SMC4: variants seen among roughly 807,000 people sequenced by gnomAD.
The protein encoded by SMC4 is structural maintenance of chromosomes protein 4.
In SMC4, 87 loss-of-function variants were observed where a neutral mutation model predicts 145.6. The observed-to-expected ratio is 0.60, with a 90% CI of 0.50 to 0.71. The LOEUF is 0.71. Ranked by LOEUF, SMC4 falls within the 30% of genes least tolerant of loss-of-function variation. The pLI is 0.00. For missense variants in SMC4, 1,447 were observed against 1,537.1 expected, an observed-to-expected ratio of 0.94 and a Z score of 0.98; for synonymous variants, 558 against 500.7, an observed-to-expected ratio of 1.11 and a Z score of -1.53.
At chr3:160,409,902 T>A (rs1174815829) in intron 5 of SMC4, among the ~76,000 whole-genome samples, 1 of 151,992 alleles carries the variant, frequency 6.6e-6, no homozygotes, top group Non-Finnish European at 1.5e-5. Flanking sequence ...CCACCATGTG[T>A]ACAAAAAAAA....
chr3:160,426,575 A>G (rs1012138379), intron 17 of SMC4, among the ~76,000 whole-genome samples: 5 of 152,054 alleles, frequency 3.3e-5, no homozygotes, highest in African/African-American at 1.2e-4. Flanking sequence ...TCAAAGAAAA[A>G]CAATGTGTAC....
At chr3:160,404,619 A>G in intron 5 of SMC4, 115 bp downstream of exon 5, 1 of 896,852 alleles carries the variant, frequency 1.1e-6, no homozygotes, top group Non-Finnish European at 1.9e-6. Context: ...GCAGCACATC[A>G]TGGTTTACAT....
At chr3:160,406,816 A>G (rs572899807) in intron 5 of SMC4, among the ~76,000 whole-genome samples, 5 of 152,300 alleles carry the variant, frequency 3.3e-5, no homozygotes, top group South Asian at 2.1e-4. Flanking sequence ...TGGCCATTCA[A>G]TTGAATTCCT....
Position 160,428,940 on chromosome 3 carries a change from CAGGT to C in SMC4, c.2795+1_2795+4del, listed in dbSNP as rs1718080517. 1 of 1,582,832 alleles carries C rather than the reference CAGGT, an allele frequency of 6.3e-7. No homozygotes were observed. Among genetic ancestry groups the C allele is most frequent in the East Asian group, 2.3e-5 (1 of 44,264 alleles). ...CCCAAGTAGCAATCAAGACTGCTGACAGGTAGAGTATGCATGTTACCCTAACTTG... is the reference window on the plus strand; with the variant it reads ...CCCAAGTAGCAATCAAGACTGCTGACAGAGTATGCATGTTACCCTAACTTG... On this transcript the variant is annotated splice_donor_variant and coding_sequence_variant, in exon 18 of 24. Coordinates refer to ENST00000357388, the MANE Select transcript of SMC4 (RefSeq NM_001002800.3). LOFTEE classifies it high-confidence loss of function.
chr3:160,401,067 A>G (rs1714566664), intron 2 of SMC4, 102 bp downstream of exon 2: 1 of 1,311,354 alleles, frequency 7.6e-7, no homozygotes, highest in Non-Finnish European at 9.7e-7. Flanking sequence ...CGGAGTTGAC[A>G]TCTGAAGGTC....
Position 160,430,656 on chromosome 3 carries a change from TGAGA to T in SMC4, c.2854_2857del (p.Glu952LysfsTer6). On this transcript the variant is annotated frameshift_variant, in exon 19 of 24. Coordinates refer to ENST00000357388, the MANE Select transcript of SMC4 (RefSeq NM_001002800.3). LOFTEE classifies it high-confidence loss of function. Reference sequence around the variant, plus strand: ...GTACAGAGAAAGAAATAAAAGATACTGAGAAAGAGGTGGATGACCTAACAGCAGA... The same window carrying T: ...GTACAGAGAAAGAAATAAAAGATACTAAGAGGTGGATGACCTAACAGCAGA... The T allele has an allele frequency of 1.9e-6, 3 of 1,613,598 alleles. No homozygotes were observed. The South Asian group carries it at 3.3e-5, about 18-fold the overall frequency.
intron 23 of SMC4, chr3:160,433,427 T>C: frequency 1.9e-6 from 1 of 540,342 alleles, no homozygotes; most frequent in East Asian, 3.0e-5. Flanking sequence ...TGCAAATTAG[T>C]AGCAGAATCA....
intron 7 of SMC4, 67 bp from the exon 8 acceptor site, chr3:160,413,406 T>G: frequency 1.4e-6 from 2 of 1,454,868 alleles, no homozygotes; most frequent in Non-Finnish European, 1.9e-6. Context: ...TTACTAAAAT[T>G]GTTATACAGT....
intron 12 of SMC4, 21 bp downstream of exon 12, chr3:160,419,564 G>A (rs1716949215): frequency 1.3e-6 from 2 of 1,561,410 alleles, no homozygotes; most frequent in Admixed American, 2.2e-5. Flanking sequence ...TTTTTGGGGG[G>A]CATGGCTTTA....
In SMC4 at chr3:160,430,735, G is replaced by C; in HGVS notation, c.2932G>C (p.Ala978Pro). 1 of 1,610,272 alleles carries C rather than the reference G, an allele frequency of 6.2e-7. No homozygotes were observed. The highest frequency in any genetic ancestry group is 8.5e-7 in the Non-Finnish European group (1 of 1,178,930). Residue 978 changes from alanine (A) to proline (P), a missense_variant, in exon 19 of 24, where the codon GCT becomes CCT. Ala to Pro is a conservative substitution (Grantham distance 27). Transcript: ENST00000357388. ...KAAEVVKNTNAAEESLPEIQK... is the reference protein window; with the variant it reads ...KAAEVVKNTNPAEESLPEIQK... ...AGCAGAGGTCGTAAAGAATACAAAT[G>C]CTGCAGAGGTATGAGTTGCTTTGTA...
At chr3:160,413,926 G>T (rs949211696) in intron 8 of SMC4, 4 of 304,806 alleles carry the variant, frequency 1.3e-5, no homozygotes, top group Non-Finnish European at 2.5e-5. Context: ...TAGGATTTGG[G>T]TTTTTCTAGA....
At position 160,430,717 on chromosome 3, in the gene SMC4, G is replaced by A. The variant is rs747478632; in HGVS notation, c.2914G>A (p.Val972Ile). 8.7e-6 allele frequency: 14 copies of A among 1,612,570 alleles called. No homozygotes were observed. The South Asian group carries it at 1.4e-4, about 16-fold the overall frequency. ...LKSLEDKAAE[V>I]VKNTNAAEES... The stretch of plus-strand genomic sequence containing the variant: ...AAGTCTTGAGGACAAAGCAGCAGAG[G>A]TCGTAAAGAATACAAATGCTGCAGA... Residue 972 changes from valine (V) to isoleucine (I), a missense_variant, in exon 19 of 24, where the codon GTC (valine) becomes ATC (isoleucine). Transcript: ENST00000357388.
rs765856656 is a variant in SMC4, at chr3:160,419,383, C to T, written c.1697C>T (p.Thr566Ile). 1.3e-6 allele frequency: 2 copies of T among 1,595,488 alleles called. No homozygotes were observed. Among genetic ancestry groups the T allele is most frequent in the South Asian group, 1.2e-5 (1 of 86,510 alleles). Residue 566 changes from threonine to isoleucine, a missense_variant, in exon 12 of 24, where the codon ACA becomes ATA. Coordinates refer to ENST00000357388, the MANE Select transcript of SMC4 (RefSeq NM_001002800.3). ...KEKEKELQKLTQEETNFKSLV... is the reference protein window; with the variant it reads ...KEKEKELQKLIQEETNFKSLV... ...AAAGAAAAAGAACTTCAAAAACTTA[C>T]ACAAGAAGAAACAAACTTTAAAAGT...
intron 2 of SMC4, 73 bp from the exon 3 acceptor site, chr3:160,401,842 C>A: frequency 8.6e-7 from 1 of 1,162,566 alleles, no homozygotes; most frequent in Non-Finnish European, 1.2e-6. Context: ...CATTAGTTCT[C>A]CGAACTAATT....
At position 160,419,239 on chromosome 3, in the gene SMC4, A is replaced by ATTTT. The variant is rs1231232361; in HGVS notation, c.1672-117_1672-114dup. The ATTTT allele has an allele frequency of 5.6e-6, 4 of 717,868 alleles. No homozygotes were observed. In the African/African-American group the frequency reaches 7.3e-5, roughly 13 times the overall value. The allele number at this position is 717,868 out of a possible 1,614,324, so 44.5% of individuals were successfully genotyped here. A position where few individuals can be genotyped will look rare whatever the true frequency, so the allele number is the denominator to read the frequency against. The stretch of plus-strand genomic sequence containing the variant: ...ATACAGGTGCTCAGTTTTGGTTCAA[A>ATTTT]TTTTTATTGTTGGTCTTTCTTTCTT... On this transcript the variant is annotated intron_variant, in intron 11 of 23. Transcript: ENST00000357388.
intron 10 of SMC4, 120 bp from the exon 11 acceptor site, chr3:160,417,603 T>G (rs1264935868): frequency 9.9e-6 from 8 of 804,224 alleles, no homozygotes; most frequent in Non-Finnish European, 1.6e-5. Context: ...ATTTCTTATT[T>G]CTATATACTG....
chr3:160,426,262 T>A, intron 17 of SMC4, 62 bp downstream of exon 17: 1 of 1,220,278 alleles, frequency 8.2e-7, no homozygotes, highest in Non-Finnish European at 1.2e-6. Context: ...AAGCTTGCAA[T>A]ATTTAAGAAG....
rs1202048262 is a variant in SMC4 at position 160,431,096 on chromosome 3, A to G, written c.3005A>G (p.Glu1002Gly). The G allele has an allele frequency of 8.1e-6, 13 of 1,608,470 alleles. No individual in the cohort carries two copies. The highest frequency in any genetic ancestry group is 1.1e-5 in the Non-Finnish European group (13 of 1,178,590). The change falls in exon 20 of 24, where the codon GAA (glutamate) becomes GGA (glycine). Residue 1002 changes from glutamate to glycine, a missense_variant. Glu to Gly is a moderately conservative substitution (Grantham distance 98). Transcript: ENST00000357388. ...NLLQELKVIQ[E>G]NEHALQKDAL... ...CTTCAAGAATTAAAAGTTATTCAAG[A>G]AAATGAACATGCTCTTCAAAAAGAT...
At chr3:160,402,176 G>GT (rs1409497731) in intron 3 of SMC4, 83 bp downstream of exon 3, 7 of 867,926 alleles carry the variant, frequency 8.1e-6, no homozygotes, top group Admixed American at 3.9e-5. Context: ...TTTCAGTTTT[G>GT]TAACTATCCT....
Sources: gnomAD v4.1 joint callset for allele counts (sites outside exome capture counted in the v4.1 genomes callset) on GRCh38, gnomAD v4.1.1 for gene constraint, MANE v1.5 for transcripts, NCBI Gene and HGNC (gene_info 2026-07-23, HGNC 2026-07-21) for gene names.